The following TMEM232 variants were observed in gnomAD, a reference collection of about 807,000 sequenced individuals.
TMEM232 encodes the protein transmembrane protein 232.
A neutral mutation model predicts 78.8 loss-of-function variants in TMEM232; 80 were observed. That is an observed-to-expected ratio of 1.01 (90% CI 0.85 to 1.22). The LOEUF is 1.22. Ranked by LOEUF, TMEM232 falls within the 50% of genes most tolerant of loss-of-function variation. The probability of loss-of-function intolerance (pLI) is 0.00; values close to 1 mark genes in which losing one functional copy is unlikely to be tolerated. For missense variants in TMEM232, 881 were observed against 742.2 expected (o/e 1.19, Z -2.17); for synonymous variants, 297 against 254.3 (o/e 1.17, Z -1.60).
intron 10 of TMEM232, among the ~76,000 whole-genome samples, chr5:110,582,199 A>G (rs902593887): frequency 1.7e-4 from 26 of 151,836 alleles, no homozygotes; most frequent in African/African-American, 5.8e-4. Flanking sequence ...CCAAAAAGAC[A>G]ACATGCACTT....
intron 7 of TMEM232, among the ~76,000 whole-genome samples, chr5:110,620,618 TCTCTCTCTCTCTCTCTCTCTCCTCTCTCC>T (rs1388142286): frequency 0.012 from 1,612 of 132,656 alleles, 76 homozygotes; most frequent in African/African-American, 0.049. Context: ...TCTCTCTCTC[TCTCTCTCTCTCTCTCTCTCTCCTCTCTCC>T]TCTCTCTCTC....
At chr5:110,589,718 T>A (rs1039917079) in intron 10 of TMEM232, among the ~76,000 whole-genome samples, 13 of 152,182 alleles carry the variant, frequency 8.5e-5, no homozygotes, top group Admixed American at 3.3e-4. Context: ...AAATGATGCA[T>A]GTCAAGTGCC....
chr5:110,735,292 G>A (rs1799045099), intron 1 of TMEM232, among the ~76,000 whole-genome samples: 1 of 152,146 alleles, frequency 6.6e-6, no homozygotes, highest in South Asian at 2.1e-4. Context: ...GAAACAATCT[G>A]CAACTTTTCA....
At chr5:110,738,470 G>A (rs551688526), upstream of TMEM232, among the ~76,000 whole-genome samples, 43 of 152,218 alleles carry the variant, frequency 2.8e-4, no homozygotes, top group African/African-American at 9.9e-4. Context: ...CCCCCGACGT[G>A]CACTTCAACT....
At chr5:110,735,873 GA>G (rs1799110728) in intron 1 of TMEM232, among the ~76,000 whole-genome samples, 1 of 152,162 alleles carries the variant, frequency 6.6e-6, no homozygotes, top group Non-Finnish European at 1.5e-5. Flanking sequence ...CTTAGAAGGG[GA>G]TCCTCCAGCC....
intron 1 of TMEM232, among the ~76,000 whole-genome samples, chr5:110,689,394 T>C (rs182694520): frequency 2.0e-5 from 3 of 151,336 alleles, no homozygotes; most frequent in Non-Finnish European, 2.9e-5. Flanking sequence ...ATTTAAAAAT[T>C]GGCAATTTTT....
chr5:110,526,368 A>G (rs1770602647), intron 12 of TMEM232, among the ~76,000 whole-genome samples: 1 of 151,596 alleles, frequency 6.6e-6, no homozygotes, highest in Non-Finnish European at 1.5e-5. Context: ...GTTTTTGTAT[A>G]GACAAAAATC....
chr5:110,591,571 T>C (rs932815999), intron 10 of TMEM232, among the ~76,000 whole-genome samples: 3 of 152,190 alleles, frequency 2.0e-5, no homozygotes, highest in African/African-American at 7.2e-5. Flanking sequence ...GCCTTTACCA[T>C]GCACTAGGTA....
Position 110,574,174 on chromosome 5 carries a change from G to T in TMEM232, c.1277-5549C>A, listed in dbSNP as rs116738523. 2.3e-3 allele frequency among the ~76,000 whole-genome samples: 344 copies of T among 152,014 alleles called. 2 individuals are homozygous for T. The highest frequency in any genetic ancestry group is 7.8e-3 in the African/African-American group (323 of 41,488). The stretch of plus-strand genomic sequence containing the variant: ...CCTATAAGCTTCATGTTCTACATTA[G>T]CTCTCTAGACTTGTTCATCCTATAT... On this transcript the variant is annotated intron_variant, in intron 10 of 13. Transcript: ENST00000455884.
intron 2 of TMEM232, among the ~76,000 whole-genome samples, chr5:110,732,364 A>G (rs1798765384): frequency 6.6e-6 from 1 of 152,022 alleles, no homozygotes; most frequent in South Asian, 2.1e-4. Context: ...GTCCTACTCT[A>G]TTGGTACCAA....
intron 13 of TMEM232, among the ~76,000 whole-genome samples, chr5:110,423,780 C>CGTGTGTGTGTGTGT (rs146104536): frequency 6.3e-5 from 9 of 142,484 alleles, no homozygotes; most frequent in Admixed American, 2.1e-4. Flanking sequence ...TTTATGCGTG[C>CGTGTGTGTGTGTGT]GTGTGTGTGT....
chr5:110,446,479 C>T (rs1011699738), intron 12 of TMEM232, among the ~76,000 whole-genome samples: 2 of 152,138 alleles, frequency 1.3e-5, no homozygotes, highest in African/African-American at 4.8e-5. Context: ...ACCAGAGAAG[C>T]AATTGCTTGC....
chr5:110,601,076 A>T (rs768390570), intron 10 of TMEM232, among the ~76,000 whole-genome samples: 10 of 152,222 alleles, frequency 6.6e-5, no homozygotes, highest in Non-Finnish European at 1.3e-4. Context: ...ATCTCAATAG[A>T]TGCAGAAAAG....
chr5:110,485,630 G>T (rs1245579193), intron 12 of TMEM232, among the ~76,000 whole-genome samples: 2 of 152,080 alleles, frequency 1.3e-5, no homozygotes, highest in Non-Finnish European at 2.9e-5. Context: ...CACTGCAAAT[G>T]CTGTTAATTC....
intron 4 of TMEM232, among the ~76,000 whole-genome samples, chr5:110,389,457 A>G (rs911507729): frequency 2.0e-5 from 3 of 152,226 alleles, no homozygotes; most frequent in African/African-American, 2.4e-5. Flanking sequence ...GAACTCACAC[A>G]TTCATGGCCA....
chr5:110,444,700 C>T (rs748878867), intron 12 of TMEM232, among the ~76,000 whole-genome samples: 1 of 152,156 alleles, frequency 6.6e-6, no homozygotes, highest in Non-Finnish European at 1.5e-5. Flanking sequence ...ATAACTAATA[C>T]AAAGTGCCTT....
rs180897244 is a variant in TMEM232, at chr5:110,460,474, T to C, written c.1704-35558A>G. Among the ~76,000 whole-genome samples, 4 of 152,244 alleles carry C rather than the reference T, an allele frequency of 2.6e-5. No homozygotes were observed. The South Asian group carries it at 8.3e-4, about 32-fold the overall frequency. On this transcript the variant is annotated intron_variant, in intron 12 of 13. Coordinates refer to ENST00000455884, the MANE Select transcript of TMEM232 (RefSeq NM_001039763.4). ...AAGCAATATGTTACCTCAAAAATATTTGCATTAAGATGCTAAACATTTATT... is the reference window on the plus strand; with the variant it reads ...AAGCAATATGTTACCTCAAAAATATCTGCATTAAGATGCTAAACATTTATT...
At chr5:110,687,784 T>A (rs184934) in intron 1 of TMEM232, among the ~76,000 whole-genome samples, 2 of 151,860 alleles carry the variant, frequency 1.3e-5, no homozygotes, top group Non-Finnish European at 2.9e-5. Flanking sequence ...ATATTATAAA[T>A]CCTAATTGCA....
At chr5:110,588,300 T>C (rs1239890197) in intron 10 of TMEM232, among the ~76,000 whole-genome samples, 1 of 152,130 alleles carries the variant, frequency 6.6e-6, no homozygotes, top group Admixed American at 6.6e-5. Flanking sequence ...ATATTTTACT[T>C]TTTCCATTTT....
Sources: gnomAD v4.1 joint callset for allele counts (sites outside exome capture counted in the v4.1 genomes callset) on GRCh38, gnomAD v4.1.1 for gene constraint, MANE v1.5 for transcripts, NCBI Gene and HGNC (gene_info 2026-07-23, HGNC 2026-07-21) for gene names.